The following GPR15LG variants were observed in gnomAD, a reference collection of about 807,000 sequenced individuals.
The protein encoded by GPR15LG is G protein-coupled receptor 15 ligand.
At chr10:84,184,966 TCATGAGCCAACCTCACCC>T in the GPR15LG span, 1 of 1,423,848 alleles carries the variant, frequency 7.0e-7, no homozygotes, top group Non-Finnish European at 9.1e-7. Context: ...TTCAGAGCTA[TCATGAGCCAACCTCACCC>T]CACAGGGCCT....
At chr10:84,176,358 T>C in the GPR15LG span, 2 of 751,510 alleles carry the variant, frequency 2.7e-6, no homozygotes, top group South Asian at 2.9e-5. Context: ...GGACCTCTCG[T>C]AGCCTGGCTC....
At chr10:84,178,145 A>G in the GPR15LG span, among the ~76,000 whole-genome samples, 69 of 151,996 alleles carry the variant, frequency 4.5e-4, 1 homozygote, top group Admixed American at 2.6e-3. Flanking sequence ...ATACACACCT[A>G]GACACATATA....
the GPR15LG span, among the ~76,000 whole-genome samples, chr10:84,181,864 G>C: frequency 6.6e-6 from 1 of 152,212 alleles, no homozygotes; most frequent in Non-Finnish European, 1.5e-5. Flanking sequence ...CACCAGCCAG[G>C]AAGTACTGTG....
the GPR15LG span, among the ~76,000 whole-genome samples, chr10:84,180,683 G>A: frequency 6.6e-6 from 1 of 152,202 alleles, no homozygotes; most frequent in African/African-American, 2.4e-5. Flanking sequence ...CCTAGACGGG[G>A]TGGCGGCCGG....
chr10:84,176,142 C>T, the GPR15LG span, among the ~76,000 whole-genome samples: 4 of 152,108 alleles, frequency 2.6e-5, no homozygotes, highest in African/African-American at 9.7e-5. Flanking sequence ...CCCACCTCAG[C>T]CTCCCAAAGA....
chr10:84,184,603 T>G, the GPR15LG span: 4 of 1,393,508 alleles, frequency 2.9e-6, no homozygotes, highest in African/African-American at 1.4e-5. Context: ...TGTGTTTTCC[T>G]CTCTCTCCCC....
the GPR15LG span, among the ~76,000 whole-genome samples, chr10:84,178,526 ACAC>A: frequency 1.1e-4 from 17 of 152,074 alleles, 1 homozygote; most frequent in East Asian, 9.6e-4. Flanking sequence ...ACACAGACAC[ACAC>A]CACAATACAC....
the GPR15LG span, chr10:84,184,820 G>T: frequency 1.2e-6 from 2 of 1,607,536 alleles, no homozygotes. Context: ...GGCACCTGAG[G>T]TACCCAGCAG....
At chr10:84,184,872 A>G in the GPR15LG span, 1 of 1,537,306 alleles carries the variant, frequency 6.5e-7, no homozygotes, top group East Asian at 2.4e-5. Context: ...GTGAGCTGCA[A>G]TGTTGGAGGG....
the GPR15LG span, among the ~76,000 whole-genome samples, chr10:84,179,766 T>C: frequency 2.0e-4 from 30 of 152,094 alleles, no homozygotes; most frequent in African/African-American, 7.0e-4. Flanking sequence ...GATGACAATA[T>C]GTGGAAGGCC....
the GPR15LG span, among the ~76,000 whole-genome samples, chr10:84,183,175 C>A: frequency 6.6e-6 from 1 of 152,332 alleles, no homozygotes; most frequent in African/African-American, 2.4e-5. Context: ...CATCTGCTAA[C>A]TCATTTGATC....
chr10:84,185,213 C>T, the GPR15LG span: 1 of 322,670 alleles, frequency 3.1e-6, no homozygotes, highest in Non-Finnish European at 4.6e-6. Flanking sequence ...GAATCCCTTC[C>T]TAGCCTCCTG....
At chr10:84,181,174 A>G in the GPR15LG span, among the ~76,000 whole-genome samples, 5 of 138,690 alleles carry the variant, frequency 3.6e-5, no homozygotes, top group African/African-American at 1.5e-4. Flanking sequence ...TCAGAGGGAG[A>G]CCGTGCAAAG....
chr10:84,181,926 G>A, the GPR15LG span, among the ~76,000 whole-genome samples: 1 of 152,212 alleles, frequency 6.6e-6, no homozygotes, highest in Non-Finnish European at 1.5e-5. Context: ...TGGGGCCACG[G>A]TGAAGCTATT....
the GPR15LG span, among the ~76,000 whole-genome samples, chr10:84,180,027 A>G: frequency 2.8e-4 from 43 of 151,958 alleles, no homozygotes; most frequent in African/African-American, 1.0e-3. Context: ...GGGCCTTGCC[A>G]CCTTCCGCAG....
the GPR15LG span, among the ~76,000 whole-genome samples, chr10:84,177,931 A>G: frequency 6.6e-6 from 1 of 152,158 alleles, no homozygotes; most frequent in Non-Finnish European, 1.5e-5. Flanking sequence ...AGCCCCCACC[A>G]CAGACACACA....
the GPR15LG span, among the ~76,000 whole-genome samples, chr10:84,178,530 C>T: frequency 6.6e-6 from 1 of 151,568 alleles, no homozygotes; most frequent in Non-Finnish European, 1.5e-5. Context: ...AGACACACAC[C>T]ACAATACACT....
the GPR15LG span, among the ~76,000 whole-genome samples, chr10:84,180,568 T>C: frequency 1.3e-5 from 2 of 151,908 alleles, no homozygotes; most frequent in Admixed American, 1.3e-4. Flanking sequence ...CTAGACGGGA[T>C]GACGGCCGGG....
the GPR15LG span, among the ~76,000 whole-genome samples, chr10:84,176,016 G>A: frequency 6.6e-6 from 1 of 152,042 alleles, no homozygotes; most frequent in Admixed American, 6.5e-5. Context: ...AACCTCCTGA[G>A]TAGCTGGGAT....
Sources: allele counts gnomAD v4.1 joint callset (sites outside exome capture counted in the v4.1 genomes callset), GRCh38; gene constraint gnomAD v4.1.1; transcripts MANE v1.5; gene names NCBI Gene and HGNC (gene_info 2026-07-23, HGNC 2026-07-21).